Variants in FBXL20 observed in about 807,000 individuals in gnomAD.
FBXL20 encodes the protein F-box/LRR-repeat protein 20.
In FBXL20, 11 loss-of-function variants were observed where a neutral mutation model predicts 64.0. The observed-to-expected ratio is 0.17, with a 90% CI of 0.11 to 0.28. FBXL20 has a LOEUF of 0.28. FBXL20 is among the 10% of genes least tolerant of loss of function. The pLI is 1.00. For missense variants in FBXL20, 303 were observed against 526.2 expected (o/e 0.58, Z 4.15); for synonymous variants, 184 against 189.0 (o/e 0.97, Z 0.22).
At position 39,299,482 on chromosome 17, in the gene FBXL20, T is replaced by A. The variant is rs570927772; in HGVS notation, c.235-398A>T. 2.0e-5 allele frequency among the ~76,000 whole-genome samples: 3 copies of A among 152,268 alleles called. No individual in the cohort carries two copies. In the South Asian group the frequency reaches 6.2e-4, roughly 32 times the overall value. The stretch of plus-strand genomic sequence containing the variant: ...TTATAGTAGAGACTCAATGAACATT[T>A]AACAAAAGCTGGTCAGGGGCCAGGC... On this transcript the variant is annotated intron_variant, in intron 4 of 14. Transcript: ENST00000264658.
intron 1 of FBXL20, among the ~76,000 whole-genome samples, chr17:39,358,535 T>C (rs2047763662): frequency 6.6e-6 from 1 of 151,938 alleles, no homozygotes; most frequent in Non-Finnish European, 1.5e-5. Flanking sequence ...ATACAAAGAT[T>C]ATCCGGGCGT....
chr17:39,275,744 G>A (rs2144369388), intron 9 of FBXL20, among the ~76,000 whole-genome samples: 1 of 151,924 alleles, frequency 6.6e-6, no homozygotes, highest in South Asian at 2.1e-4. Context: ...AAAAGATAAG[G>A]ATATAAGTAT....
At chr17:39,285,954 G>A (rs186275300) in intron 6 of FBXL20, among the ~76,000 whole-genome samples, 18 of 152,206 alleles carry the variant, frequency 1.2e-4, no homozygotes, top group Admixed American at 3.3e-4. Flanking sequence ...AAGAAGAAAC[G>A]CTCTGCATGT....
At chr17:39,319,492 C>G (rs1047005069) in intron 2 of FBXL20, among the ~76,000 whole-genome samples, 4 of 151,930 alleles carry the variant, frequency 2.6e-5, no homozygotes, top group African/African-American at 9.7e-5. Flanking sequence ...TGAGGCCAGC[C>G]TCGCCAACTT....
chr17:39,390,798 T>C (rs927966714), intron 1 of FBXL20, among the ~76,000 whole-genome samples: 1 of 151,766 alleles, frequency 6.6e-6, no homozygotes, highest in African/African-American at 2.4e-5. Context: ...CCTGTAATCC[T>C]AGCACTTTTG....
chr17:39,364,622 GA>G (rs1293746453), intron 1 of FBXL20, among the ~76,000 whole-genome samples: 1 of 151,908 alleles, frequency 6.6e-6, no homozygotes, highest in Non-Finnish European at 1.5e-5. Flanking sequence ...AAAAGAAAAA[GA>G]AAAAAAGAAT....
chr17:39,344,580 G>C (rs1255502157), intron 1 of FBXL20, among the ~76,000 whole-genome samples: 1 of 151,650 alleles, frequency 6.6e-6, no homozygotes, highest in African/African-American at 2.4e-5. Context: ...GAGGTGAGGA[G>C]TTCGAGACCA....
chr17:39,272,570 C>T (rs981396284), intron 10 of FBXL20, among the ~76,000 whole-genome samples: 2 of 150,788 alleles, frequency 1.3e-5, no homozygotes, highest in African/African-American at 4.9e-5. Flanking sequence ...GGCATGGTAG[C>T]GTATGCCTGT....
At chr17:39,367,936 T>G (rs1021023438) in intron 1 of FBXL20, among the ~76,000 whole-genome samples, 6 of 151,222 alleles carry the variant, frequency 4.0e-5, no homozygotes, top group African/African-American at 1.5e-4. Flanking sequence ...GCTAATTTTT[T>G]TTTTCTTTTT....
intron 2 of FBXL20, among the ~76,000 whole-genome samples, chr17:39,317,248 A>C (rs2047301808): frequency 6.6e-6 from 1 of 151,964 alleles, no homozygotes; most frequent in Non-Finnish European, 1.5e-5. Flanking sequence ...CTTTCCCCCC[A>C]TGAGACAGAG....
At chr17:39,354,595 C>A (rs1321803599) in intron 1 of FBXL20, among the ~76,000 whole-genome samples, 1 of 152,186 alleles carries the variant, frequency 6.6e-6, no homozygotes, top group Admixed American at 6.5e-5. Context: ...ATCACTGAAT[C>A]AATGAATGTT....
chr17:39,335,616 T>C (rs2144551947), intron 2 of FBXL20, among the ~76,000 whole-genome samples: 1 of 151,566 alleles, frequency 6.6e-6, no homozygotes, highest in Admixed American at 6.6e-5. Flanking sequence ...AAGGAATCTT[T>C]GAGAAACAAC....
At chr17:39,277,216 T>C (rs900921395) in intron 9 of FBXL20, among the ~76,000 whole-genome samples, 1 of 152,158 alleles carries the variant, frequency 6.6e-6, no homozygotes, top group Non-Finnish European at 1.5e-5. Flanking sequence ...GATCAAGTAA[T>C]GAGATACTAA....
chr17:39,367,477 C>T (rs566636172), intron 1 of FBXL20, among the ~76,000 whole-genome samples: 52 of 151,864 alleles, frequency 3.4e-4, no homozygotes, highest in African/African-American at 1.2e-3. Context: ...CCACCACACC[C>T]AGCTAATTTT....
At position 39,257,000 on chromosome 17, in the gene FBXL20, T is replaced by C. The variant is rs899611085; in HGVS notation, c.*4460A>G. The C allele has an allele frequency of 1.2e-4, 19 of 152,208 alleles. No homozygotes were observed. Among genetic ancestry groups the C allele is most frequent in the African/African-American group, 4.1e-4 (17 of 41,426 alleles). The allele number at this position is 152,208 out of a possible 1,614,324, so 9.4% of individuals were successfully genotyped here. A position where few individuals can be genotyped will look rare whatever the true frequency, so the allele number is the denominator to read the frequency against. Reference sequence around the variant, plus strand: ...ATTTTTTTCTTTCTTTCTTTCTTTTTTTTTGAGATAGTCTCACTCTGTCGC... The same window carrying C: ...ATTTTTTTCTTTCTTTCTTTCTTTTCTTTTGAGATAGTCTCACTCTGTCGC... On this transcript the variant is annotated 3_prime_UTR_variant, in exon 15 of 15. Transcript: ENST00000264658.
intron 1 of FBXL20, among the ~76,000 whole-genome samples, chr17:39,394,327 G>A (rs997920313): frequency 5.5e-5 from 8 of 145,430 alleles, no homozygotes; most frequent in East Asian, 4.0e-4. Flanking sequence ...CGCCCAGGCT[G>A]GAGTGCTGTG....
intron 2 of FBXL20, among the ~76,000 whole-genome samples, chr17:39,317,472 C>T (rs1420460813): frequency 3.3e-5 from 5 of 152,084 alleles, no homozygotes; most frequent in South Asian, 4.2e-4. Flanking sequence ...CCACGTGATC[C>T]GACCGTCTCT....
In FBXL20 at chr17:39,261,219, T is replaced by C; in HGVS notation, c.*241A>G. The C allele has an allele frequency of 9.4e-6, 4 of 424,662 alleles. 1 individual carries two copies. Among genetic ancestry groups the C allele is most frequent in the Non-Finnish European group, 1.7e-5 (4 of 231,776 alleles). 26.3% of individuals were successfully genotyped at this position (424,662 alleles called of 1,614,324 possible). ...GCACCTCAACAGGAATGGTTAAATT[T>C]TACCAATCTACTTGATAAAAAAGCC... is the stretch of plus-strand genomic sequence containing the variant. On this transcript the variant is annotated 3_prime_UTR_variant, in exon 15 of 15. Coordinates refer to ENST00000264658, the MANE Select transcript of FBXL20 (RefSeq NM_032875.3).
At chr17:39,272,153 G>A (rs544813719) in intron 10 of FBXL20, among the ~76,000 whole-genome samples, 17 of 152,088 alleles carry the variant, frequency 1.1e-4, no homozygotes, top group Admixed American at 7.2e-4. Context: ...TTGGGAGGCC[G>A]AGGCAGGCGG....
Sources: gnomAD v4.1 joint callset for allele counts (sites outside exome capture counted in the v4.1 genomes callset) on GRCh38, gnomAD v4.1.1 for gene constraint, MANE v1.5 for transcripts, NCBI Gene and HGNC (gene_info 2026-07-23, HGNC 2026-07-21) for gene names.